Variants in LYST observed in about 807,000 individuals in gnomAD.
LYST encodes lysosomal-trafficking regulator.
LYST carries 192 observed loss-of-function variants against 413.6 expected under a neutral mutation model. That is an observed-to-expected ratio of 0.46 (90% CI 0.41 to 0.52). The LOEUF (loss-of-function observed/expected upper bound fraction) is 0.52. LYST is among the 20% of genes least tolerant of loss of function. LYST has a pLI of 0.00. For missense variants in LYST, 3,815 were observed against 4,499.9 expected (o/e 0.85, Z 4.35); for synonymous variants, 1,525 against 1,567.3 (o/e 0.97, Z 0.64).
intron 47 of LYST, among the ~76,000 whole-genome samples, chr1:235,691,882 G>C (rs1366140835): frequency 1.3e-5 from 2 of 151,180 alleles, no homozygotes; most frequent in Non-Finnish European, 2.9e-5. Context: ...ATTTTTCATA[G>C]AGGCAGGGTT....
intron 14 of LYST, among the ~76,000 whole-genome samples, chr1:235,783,240 T>C (rs988018891): frequency 1.3e-5 from 2 of 152,132 alleles, no homozygotes; most frequent in South Asian, 2.1e-4. Flanking sequence ...AGGCTCTCTG[T>C]TTCACATATA....
At chr1:235,776,180 T>C (rs1159857244) in intron 17 of LYST, among the ~76,000 whole-genome samples, 2 of 152,144 alleles carry the variant, frequency 1.3e-5, no homozygotes, top group Admixed American at 1.3e-4. Context: ...ATAATCTATT[T>C]AACTAGACAC....
At chr1:235,729,754 A>G (rs1181604606) in intron 36 of LYST, 97 bp from the exon 37 acceptor site, 3 of 838,184 alleles carry the variant, frequency 3.6e-6, no homozygotes, top group Admixed American at 1.9e-5. Context: ...TCTGCAAAGC[A>G]GACTAGATAG....
chr1:235,661,381 C>T lies in LYST; in HGVS notation c.*1559G>A, dbSNP rs1658036384. On this transcript the variant is annotated 3_prime_UTR_variant, in exon 53 of 53. Coordinates refer to ENST00000389793, the MANE Select transcript of LYST (RefSeq NM_000081.4). ...AAAAATGAAAGCTAGACAATAGCTG[C>T]AATTTTTTGTTAACAAAGCAAATCA... The T allele has an allele frequency of 6.6e-6, 1 of 152,426 alleles. No homozygotes were observed. The highest frequency in any genetic ancestry group is 6.6e-5 in the Admixed American group (1 of 15,262). 9.4% of individuals were successfully genotyped at this position (152,426 alleles called of 1,614,324 possible).
intron 34 of LYST, among the ~76,000 whole-genome samples, chr1:235,731,747 G>A (rs567758043): frequency 1.3e-5 from 2 of 151,880 alleles, no homozygotes; most frequent in Admixed American, 1.3e-4. Flanking sequence ...TAGTAGAGAT[G>A]GGGTTTCATC....
intron 40 of LYST, 22 bp from the exon 41 acceptor site, chr1:235,716,800 A>T (rs760030965): frequency 1.4e-6 from 2 of 1,425,320 alleles, no homozygotes; most frequent in Non-Finnish European, 2.0e-6. Context: ...GGACAATTTT[A>T]AAAATTAAAT....
intron 52 of LYST, 139 bp downstream of exon 52, chr1:235,663,845 C>G (rs928016253): frequency 1.3e-6 from 1 of 744,684 alleles, no homozygotes; most frequent in South Asian, 1.5e-5. Flanking sequence ...TCACGGACAA[C>G]CCGCTGTGTG....
intron 38 of LYST, among the ~76,000 whole-genome samples, chr1:235,727,499 C>T (rs1037248922): frequency 6.6e-6 from 1 of 151,818 alleles, no homozygotes; most frequent in African/African-American, 2.4e-5. Flanking sequence ...TAGGAATTCC[C>T]GGCTTTAGAA....
intron 16 of LYST, among the ~76,000 whole-genome samples, chr1:235,777,878 A>G (rs1391431379): frequency 6.6e-6 from 1 of 152,054 alleles, no homozygotes; most frequent in East Asian, 1.9e-4. Flanking sequence ...CTCCCTGTCA[A>G]GATTCTCTAA....
chr1:235,691,711 T>TTTTTTTTTTG (rs1249396793), intron 47 of LYST, among the ~76,000 whole-genome samples: 1 of 150,992 alleles, frequency 6.6e-6, no homozygotes, highest in Non-Finnish European at 1.5e-5. Flanking sequence ...TTTTTTTTTT[T>TTTTTTTTTTG]TTGAGATGGA....
intron 1 of LYST, among the ~76,000 whole-genome samples, chr1:235,845,686 G>A (rs1677761929): frequency 6.6e-6 from 1 of 152,072 alleles, no homozygotes; most frequent in African/African-American, 2.4e-5. Context: ...TGTTTGCGTG[G>A]GAGCTGGGTG....
intron 6 of LYST, 40 bp downstream of exon 6, chr1:235,805,703 T>C (rs1672760045): frequency 3.4e-6 from 4 of 1,182,762 alleles, no homozygotes; most frequent in East Asian, 4.7e-5. Flanking sequence ...TATATATGTA[T>C]ATATATTACA....
At chr1:235,827,967 A>T (rs1304796156) in intron 3 of LYST, 2 of 406,452 alleles carry the variant, frequency 4.9e-6, no homozygotes, top group Non-Finnish European at 6.6e-6. Context: ...CAAAACTTTT[A>T]AAGAGATGTT....
chr1:235,709,427 A>AGTATAAACAGTATAAACAGTATAAACAG lies in LYST; in HGVS notation c.9926-120_9926-119insCTGTTTATACTGTTTATACTGTTTATAC, dbSNP rs563907360. 1.2e-5 allele frequency: 9 copies of AGTATAAACAGTATAAACAGTATAAACAG among 772,792 alleles called. No homozygotes were observed. In the African/African-American group the frequency reaches 1.3e-4, roughly 11 times the overall value. 47.9% of individuals were successfully genotyped at this position (772,792 alleles called of 1,614,324 possible). On this transcript the variant is annotated intron_variant, in intron 43 of 52. Transcript: ENST00000389793. ...TTGTGTGCTACAACCAAAAAAGGGA[A>AGTATAAACAGTATAAACAGTATAAACAG]TAGCAAGGAGGATTTACATTTTGAA...
chr1:235,864,739 C>T (rs900726611), intron 1 of LYST, among the ~76,000 whole-genome samples: 1 of 152,210 alleles, frequency 6.6e-6, no homozygotes, highest in African/African-American at 2.4e-5. Flanking sequence ...TGAGACCAGC[C>T]TGGGCAACAA....
At chr1:235,765,964 A>G (rs1668104708) in intron 21 of LYST, 115 bp downstream of exon 21, 4 of 850,736 alleles carry the variant, frequency 4.7e-6, no homozygotes, top group Non-Finnish European at 8.2e-6. Flanking sequence ...CCCAACCCCA[A>G]TATGTAATTA....
At chr1:235,727,736 G>A (rs1664017895) in intron 38 of LYST, among the ~76,000 whole-genome samples, 1 of 151,992 alleles carries the variant, frequency 6.6e-6, no homozygotes, top group South Asian at 2.1e-4. Flanking sequence ...TCTTTCTGAA[G>A]GCAAAGGTAC....
intron 8 of LYST, 104 bp downstream of exon 8, chr1:235,802,804 C>A: frequency 9.6e-7 from 1 of 1,038,162 alleles, no homozygotes; most frequent in Admixed American, 1.9e-5. Flanking sequence ...ACTTGTTAAA[C>A]TGTAAGGCAA....
intron 1 of LYST, among the ~76,000 whole-genome samples, chr1:235,865,075 C>T (rs1680343973): frequency 6.6e-6 from 1 of 152,188 alleles, no homozygotes. Context: ...TTTATTTCTA[C>T]TCCTCTTTGC....
Sources: gnomAD v4.1 joint callset for allele counts (sites outside exome capture counted in the v4.1 genomes callset) on GRCh38, gnomAD v4.1.1 for gene constraint, MANE v1.5 for transcripts, NCBI Gene and HGNC (gene_info 2026-07-23, HGNC 2026-07-21) for gene names.